Variants in ITGA8 observed in about 807,000 individuals in gnomAD.
ITGA8 encodes integrin subunit alpha 8.
A neutral mutation model predicts 142.3 loss-of-function variants in ITGA8; 91 were observed. That is an observed-to-expected ratio of 0.64 (90% CI 0.54 to 0.76). The LOEUF (loss-of-function observed/expected upper bound fraction) is 0.76. Among genes scored for constraint, ITGA8 ranks in the 30% least tolerant of loss-of-function variants. The pLI, the probability that ITGA8 is intolerant of heterozygous loss-of-function variation, is 0.00. For synonymous variants in ITGA8, 505 were observed against 485.2 expected, an observed-to-expected ratio of 1.04 and a Z score of -0.54; for missense variants, 1,406 against 1,327.7, an observed-to-expected ratio of 1.06 and a Z score of -0.92.
chr10:15,622,359 CT>C (rs5783460), intron 13 of ITGA8, among the ~76,000 whole-genome samples: 1 of 151,402 alleles, frequency 6.6e-6, no homozygotes, highest in Non-Finnish European at 1.5e-5. Context: ...TGGACATCTT[CT>C]TTTTTTTGGA....
At chr10:15,672,818 C>A in intron 6 of ITGA8, 69 bp from the exon 7 acceptor site, 2 of 1,434,830 alleles carry the variant, frequency 1.4e-6, no homozygotes, top group Non-Finnish European at 9.2e-7. Context: ...AGCAGACCCA[C>A]ATTCCCTTGA....
In ITGA8 at chr10:15,708,459, C is replaced by T. The variant is rs573760709; in HGVS notation, c.343+10307G>A. Reference sequence around the variant, plus strand: ...GTTGGTATAAACGTCTCACTCATATCTTTGAATCTGTTCACAAAAACATCC... The same window carrying T: ...GTTGGTATAAACGTCTCACTCATATTTTTGAATCTGTTCACAAAAACATCC... On this transcript the variant is annotated intron_variant, in intron 2 of 29. Coordinates refer to ENST00000378076, the MANE Select transcript of ITGA8 (RefSeq NM_003638.3). Among the ~76,000 whole-genome samples the T allele has an allele frequency of 3.3e-5, 5 of 152,232 alleles. No homozygotes were observed. The South Asian group carries it at 8.3e-4, about 25-fold the overall frequency.
chr10:15,629,692 C>T (rs1369814997), intron 13 of ITGA8, among the ~76,000 whole-genome samples: 1 of 152,060 alleles, frequency 6.6e-6, no homozygotes, highest in Non-Finnish European at 1.5e-5. Context: ...TATGGGAGGC[C>T]AAGGCAGGTG....
At chr10:15,656,508 T>C (rs940889509) in intron 10 of ITGA8, among the ~76,000 whole-genome samples, 2 of 151,938 alleles carry the variant, frequency 1.3e-5, no homozygotes, top group African/African-American at 2.4e-5. Flanking sequence ...GGATTACAGG[T>C]ACCTGCCACC....
Position 15,616,542 on chromosome 10 carries a change from A to G in ITGA8, c.1417T>C (p.Phe473Leu). 1 of 1,612,350 alleles carries G rather than the reference A, an allele frequency of 6.2e-7. No homozygotes were observed. ...TAAACAGCGACTTTTCCTGTTCCAA[A>G]TGCACCCACAATCAAATCTTAAAAA... ...NDYPDLIVGA[F>L]GTGKVAVYRA... The change falls in exon 14 of 30, where the codon TTT becomes CTT. Residue 473 changes from phenylalanine (F) to leucine (L), a missense_variant. Transcript: ENST00000378076.
At chr10:15,521,218 T>G (rs921736307) in intron 28 of ITGA8, among the ~76,000 whole-genome samples, 10 of 152,102 alleles carry the variant, frequency 6.6e-5, no homozygotes, top group Non-Finnish European at 1.3e-4. Flanking sequence ...TAGACCTGGT[T>G]TCACCATTCT....
chr10:15,555,179 C>A (rs1235963478), intron 26 of ITGA8, among the ~76,000 whole-genome samples: 1 of 152,172 alleles, frequency 6.6e-6, no homozygotes, highest in Non-Finnish European at 1.5e-5. Flanking sequence ...GATCTGGTGG[C>A]TAATGAATTT....
chr10:15,526,562 G>T (rs1833178965), intron 28 of ITGA8, among the ~76,000 whole-genome samples: 1 of 152,162 alleles, frequency 6.6e-6, no homozygotes, highest in Non-Finnish European at 1.5e-5. Context: ...CGGCACAGGG[G>T]CTTGTGATGA....
intron 13 of ITGA8, among the ~76,000 whole-genome samples, chr10:15,625,931 G>A (rs188308481): frequency 6.6e-6 from 1 of 152,314 alleles, no homozygotes; most frequent in African/African-American, 2.4e-5. Context: ...AAGATTGCAT[G>A]GGTGAATGCT....
chr10:15,539,220 G>A (rs960587351), intron 27 of ITGA8, among the ~76,000 whole-genome samples: 1 of 114,604 alleles, frequency 8.7e-6, no homozygotes, highest in Non-Finnish European at 2.0e-5. Flanking sequence ...CCTCAAACGA[G>A]GCAACAGAAT....
intron 22 of ITGA8, among the ~76,000 whole-genome samples, chr10:15,591,021 A>G (rs529716517): frequency 6.6e-6 from 1 of 152,338 alleles, no homozygotes; most frequent in South Asian, 2.1e-4. Flanking sequence ...CAGAGTTTAT[A>G]TATTTTTAAA....
At chr10:15,701,054 C>T (rs1218691478) in intron 2 of ITGA8, among the ~76,000 whole-genome samples, 1 of 152,154 alleles carries the variant, frequency 6.6e-6, no homozygotes, top group Non-Finnish European at 1.5e-5. Flanking sequence ...AGTAGATCAT[C>T]AGTGTTTGAT....
intron 13 of ITGA8, among the ~76,000 whole-genome samples, chr10:15,627,869 A>T (rs529682014): frequency 6.6e-6 from 1 of 151,072 alleles, no homozygotes; most frequent in East Asian, 1.9e-4. Context: ...ATGAGATGGG[A>T]GGTCAGCACA....
chr10:15,590,720 T>C (rs1173955658), intron 22 of ITGA8, among the ~76,000 whole-genome samples: 14 of 152,228 alleles, frequency 9.2e-5, no homozygotes, highest in Non-Finnish European at 5.9e-5. Flanking sequence ...ACCTTTGATA[T>C]ATTTTTACAG....
In ITGA8 at chr10:15,516,529, T is replaced by C. The variant is rs1186572063; in HGVS notation, c.*629A>G. 1 of 152,238 alleles carries C rather than the reference T, an allele frequency of 6.6e-6. No individual in the cohort carries two copies. Among genetic ancestry groups the C allele is most frequent in the African/African-American group, 2.4e-5 (1 of 41,468 alleles). The allele number at this position is 152,238 out of a possible 1,614,324, so 9.4% of individuals were successfully genotyped here. A position where few individuals can be genotyped will look rare whatever the true frequency, so the allele number is the denominator to read the frequency against. ...ACCAAATCTTAATTTCCAAATTCTC[T>C]AGATGACAGATTCTCAACCTAGAGA... On this transcript the variant is annotated 3_prime_UTR_variant, in exon 30 of 30. Coordinates refer to ENST00000378076, the MANE Select transcript of ITGA8 (RefSeq NM_003638.3).
chr10:15,635,007 T>C (rs545579916), intron 13 of ITGA8, among the ~76,000 whole-genome samples: 106 of 144,256 alleles, frequency 7.3e-4, no homozygotes, highest in East Asian at 2.2e-3. Context: ...TTCTTTCTTT[T>C]TTTTTTTTTT....
At chr10:15,635,207 A>G (rs761557114) in intron 13 of ITGA8, among the ~76,000 whole-genome samples, 33 of 151,900 alleles carry the variant, frequency 2.2e-4, no homozygotes, top group Non-Finnish European at 4.4e-4. Flanking sequence ...GGGTTTCACC[A>G]TGTTGGCCAG....
At chr10:15,529,586 C>T (rs1425162020) in intron 28 of ITGA8, among the ~76,000 whole-genome samples, 1 of 152,144 alleles carries the variant, frequency 6.6e-6, no homozygotes, top group Non-Finnish European at 1.5e-5. Context: ...CAGGGTCCCA[C>T]CCCAGACCTA....
At chr10:15,695,525 A>G (rs1034631256) in intron 2 of ITGA8, among the ~76,000 whole-genome samples, 10 of 152,202 alleles carry the variant, frequency 6.6e-5, no homozygotes, top group African/African-American at 2.2e-4. Context: ...GCTCAGTACT[A>G]TGTCAACCTA....
Sources: gnomAD v4.1 joint callset for allele counts (sites outside exome capture counted in the v4.1 genomes callset) on GRCh38, gnomAD v4.1.1 for gene constraint, MANE v1.5 for transcripts, NCBI Gene and HGNC (gene_info 2026-07-23, HGNC 2026-07-21) for gene names.